The following CPXM2 variants were observed in gnomAD, a reference collection of about 807,000 sequenced individuals.
The protein encoded by CPXM2 is carboxypeptidase X, M14 family member 2.
In CPXM2, 66 loss-of-function variants were observed where a neutral mutation model predicts 86.1. The ratio of observed to expected loss-of-function variants is 0.77; its 90% CI spans 0.63 to 0.94. The LOEUF is 0.94. Among genes scored for constraint, CPXM2 ranks in the 40% least tolerant of loss-of-function variants. The pLI is 0.00. For missense variants in CPXM2, 948 were observed against 1,026.3 expected, an observed-to-expected ratio of 0.92 and a Z score of 1.04; for synonymous variants, 388 against 400.2, an observed-to-expected ratio of 0.97 and a Z score of 0.36.
rs946400420 is a variant in CPXM2, at chr10:123,745,717, T to A, written c.*1047A>T. 6.6e-6 allele frequency: 1 copy of A among 151,970 alleles called. No individual in the cohort carries two copies. Among genetic ancestry groups the A allele is most frequent in the Non-Finnish European group, 1.5e-5 (1 of 68,016 alleles). 9.4% of individuals were successfully genotyped at this position (151,970 alleles called of 1,614,324 possible). On this transcript the variant is annotated 3_prime_UTR_variant, in exon 14 of 14. Transcript: ENST00000241305. Reference sequence around the variant, plus strand: ...AGCAACATTAACAAAAAGTGAGACATACTTTTTTCTTGCAAGATAATTCAA... The same window carrying A: ...AGCAACATTAACAAAAAGTGAGACAAACTTTTTTCTTGCAAGATAATTCAA...
intron 3 of CPXM2, among the ~76,000 whole-genome samples, chr10:123,847,461 G>A (rs1289830679): frequency 6.6e-6 from 1 of 152,126 alleles, no homozygotes; most frequent in Non-Finnish European, 1.5e-5. Flanking sequence ...GAGAGGCGGA[G>A]GTTGCAGTGA....
intron 2 of CPXM2, among the ~76,000 whole-genome samples, chr10:123,918,764 A>G (rs774381968): frequency 3.3e-5 from 5 of 152,332 alleles, no homozygotes; most frequent in Non-Finnish European, 7.3e-5. Context: ...AAGCCATACA[A>G]GCATGTAAAA....
At chr10:123,862,532 C>A in intron 3 of CPXM2, 82 bp downstream of exon 3, 2 of 1,196,888 alleles carry the variant, frequency 1.7e-6, no homozygotes, top group South Asian at 1.2e-5. Flanking sequence ...ATTTTAAATC[C>A]TGCGCATTGC....
At chr10:123,807,567 A>T (rs1215076318) in intron 4 of CPXM2, among the ~76,000 whole-genome samples, 1 of 152,204 alleles carries the variant, frequency 6.6e-6, no homozygotes, top group Non-Finnish European at 1.5e-5. Context: ...GATGAAGACA[A>T]GGAAGTAATC....
chr10:123,841,433 A>G (rs1173694521), intron 4 of CPXM2, among the ~76,000 whole-genome samples: 5 of 152,260 alleles, frequency 3.3e-5, no homozygotes, highest in Admixed American at 3.3e-4. Context: ...GTTCATTCAC[A>G]TTGATTTGCA....
At chr10:123,861,981 G>A (rs1294882623) in intron 3 of CPXM2, among the ~76,000 whole-genome samples, 1 of 152,206 alleles carries the variant, frequency 6.6e-6, no homozygotes, top group East Asian at 1.9e-4. Flanking sequence ...GTCAAGAATT[G>A]CACGGCGTGT....
intron 1 of CPXM2, among the ~76,000 whole-genome samples, chr10:123,881,943 C>T (rs771267838): frequency 6.6e-6 from 1 of 152,144 alleles, no homozygotes; most frequent in Non-Finnish European, 1.5e-5. Context: ...ATGAACCAGT[C>T]GGTGAGTGAC....
intron 4 of CPXM2, among the ~76,000 whole-genome samples, chr10:123,820,424 A>C (rs1027211730): frequency 1.3e-5 from 2 of 152,030 alleles, no homozygotes; most frequent in Non-Finnish European, 2.9e-5. Flanking sequence ...CCTGCCCCTA[A>C]ACTCACTGAC....
At chr10:123,861,669 C>G (rs1392559920) in intron 3 of CPXM2, among the ~76,000 whole-genome samples, 2 of 152,142 alleles carry the variant, frequency 1.3e-5, no homozygotes. Flanking sequence ...TCTGCCTTTG[C>G]TGGCTCTGAA....
At chr10:123,806,127 T>G (rs1361338778) in intron 4 of CPXM2, among the ~76,000 whole-genome samples, 3 of 152,232 alleles carry the variant, frequency 2.0e-5, no homozygotes, top group Non-Finnish European at 2.9e-5. Context: ...TCTTTCTGCT[T>G]GAAGAGCGCC....
chr10:123,839,394 C>T (rs1320494733), intron 4 of CPXM2, among the ~76,000 whole-genome samples: 1 of 152,186 alleles, frequency 6.6e-6, no homozygotes, highest in East Asian at 1.9e-4. Flanking sequence ...GATCAATTAA[C>T]TCATTATCAT....
At chr10:123,909,757 C>T (rs771278368) in intron 2 of CPXM2, among the ~76,000 whole-genome samples, 22 of 152,140 alleles carry the variant, frequency 1.4e-4, no homozygotes, top group Non-Finnish European at 2.8e-4. Context: ...TAACTATAAC[C>T]ACTCTCCTCT....
intron 4 of CPXM2, among the ~76,000 whole-genome samples, chr10:123,841,524 T>C (rs1350808308): frequency 6.6e-6 from 1 of 152,162 alleles, no homozygotes; most frequent in African/African-American, 2.4e-5. Flanking sequence ...TCCCCCTTCC[T>C]CCTAGCCCTG....
At chr10:123,787,958 T>C (rs1847106177) in intron 6 of CPXM2, among the ~76,000 whole-genome samples, 1 of 151,970 alleles carries the variant, frequency 6.6e-6, no homozygotes, top group African/African-American at 2.4e-5. Flanking sequence ...ATCCCCCCAG[T>C]TCCCCACTTC....
chr10:123,919,748 G>A (rs902948783), intron 2 of CPXM2, among the ~76,000 whole-genome samples: 1 of 152,188 alleles, frequency 6.6e-6, no homozygotes, highest in African/African-American at 2.4e-5. Flanking sequence ...AATTTATAAA[G>A]AAAAGAGGTT....
At chr10:123,892,581 T>G (rs1416689303), upstream of CPXM2, among the ~76,000 whole-genome samples, 12 of 152,178 alleles carry the variant, frequency 7.9e-5, no homozygotes, top group Non-Finnish European at 1.5e-5. Context: ...CTGCATCGTT[T>G]CCCTTGCTGC....
At chr10:123,933,083 G>A (rs540162565) in intron 2 of CPXM2, among the ~76,000 whole-genome samples, 1 of 152,324 alleles carries the variant, frequency 6.6e-6, no homozygotes, top group South Asian at 2.1e-4. Context: ...CCAAGGAGGT[G>A]TCAAGTAAAG....
intron 2 of CPXM2, among the ~76,000 whole-genome samples, chr10:123,933,699 C>T (rs1428557129): frequency 2.0e-5 from 3 of 151,828 alleles, no homozygotes; most frequent in African/African-American, 7.3e-5. Context: ...GCCTGGGCAA[C>T]AGAGCGAGAC....
chr10:123,798,355 G>GA (rs1216617586), intron 5 of CPXM2, among the ~76,000 whole-genome samples: 4 of 151,898 alleles, frequency 2.6e-5, no homozygotes, highest in Non-Finnish European at 5.9e-5. Flanking sequence ...ATATACTGTA[G>GA]AAAAAATCTA....
Sources: gnomAD v4.1 joint callset for allele counts (sites outside exome capture counted in the v4.1 genomes callset) on GRCh38, gnomAD v4.1.1 for gene constraint, MANE v1.5 for transcripts, NCBI Gene and HGNC (gene_info 2026-07-23, HGNC 2026-07-21) for gene names.